Variants in ZNF407 observed in about 807,000 individuals in gnomAD.
ZNF407 encodes zinc finger protein 407.
In ZNF407, 17 loss-of-function variants were observed where a neutral mutation model predicts 131.2. The ratio of observed to expected loss-of-function variants is 0.13; its 90% CI spans 0.09 to 0.19. The LOEUF is 0.19. Ranked by LOEUF, ZNF407 falls within the 10% of genes least tolerant of loss-of-function variation. The pLI, the probability that ZNF407 is intolerant of heterozygous loss-of-function variation, is 1.00. For synonymous variants in ZNF407, 1,156 were observed against 1,062.0 expected, an observed-to-expected ratio of 1.09 and a Z score of -1.72; for missense variants, 2,681 against 2,830.6, an observed-to-expected ratio of 0.95 and a Z score of 1.20.
chr18:74,897,429 C>G (rs775896603), intron 7 of ZNF407, among the ~76,000 whole-genome samples: 3 of 152,160 alleles, frequency 2.0e-5, no homozygotes, highest in Non-Finnish European at 4.4e-5. Flanking sequence ...CGTCTGCTAT[C>G]TCTTTAAGTA....
At chr18:74,599,963 C>T (rs778614217) in intron 1 of ZNF407, among the ~76,000 whole-genome samples, 6 of 152,182 alleles carry the variant, frequency 3.9e-5, no homozygotes, top group Non-Finnish European at 7.3e-5. Flanking sequence ...TCCTTGCTTT[C>T]CAACTCTGAT....
rs1031454601 is a variant in ZNF407 at position 75,005,898 on chromosome 18, A to G, written c.5429-57252A>G. On this transcript the variant is annotated intron_variant, in intron 8 of 8. Coordinates refer to ENST00000299687, the MANE Select transcript of ZNF407 (RefSeq NM_017757.3). ...CAACAAACCTCAGACTTGGGAATGT[A>G]TGTTTGAGGAGACTAAAGTGAACAG... 2.0e-5 allele frequency among the ~76,000 whole-genome samples: 3 copies of G among 152,124 alleles called. No homozygotes were observed. The East Asian group carries it at 5.8e-4, about 29-fold the overall frequency.
chr18:74,992,516 G>A (rs990009627), intron 8 of ZNF407, among the ~76,000 whole-genome samples: 3 of 152,220 alleles, frequency 2.0e-5, no homozygotes, highest in Non-Finnish European at 4.4e-5. Context: ...GTGTGATGGG[G>A]CAGATTGAAG....
chr18:74,948,518 A>G (rs995407877), intron 8 of ZNF407, among the ~76,000 whole-genome samples: 4 of 152,260 alleles, frequency 2.6e-5, no homozygotes, highest in Non-Finnish European at 4.4e-5. Flanking sequence ...TCATGAGTCT[A>G]GTTCTGAATT....
intron 8 of ZNF407, among the ~76,000 whole-genome samples, chr18:74,972,205 C>T (rs1972480675): frequency 6.6e-6 from 1 of 152,108 alleles, no homozygotes; most frequent in Non-Finnish European, 1.5e-5. Context: ...TTGTGATTTC[C>T]AGCATCCCGA....
At chr18:75,040,475 C>G (rs1320363130) in intron 8 of ZNF407, among the ~76,000 whole-genome samples, 2 of 152,156 alleles carry the variant, frequency 1.3e-5, no homozygotes, top group African/African-American at 4.8e-5. Flanking sequence ...GTGGAATATA[C>G]CTTTATATTC....
chr18:74,725,062 C>A (rs750316877), intron 3 of ZNF407, among the ~76,000 whole-genome samples: 3 of 152,150 alleles, frequency 2.0e-5, no homozygotes, highest in Non-Finnish European at 4.4e-5. Flanking sequence ...CACGCATGTT[C>A]CTACAGTTTT....
intron 3 of ZNF407, among the ~76,000 whole-genome samples, chr18:74,718,668 A>G (rs772644219): frequency 1.2e-4 from 18 of 151,980 alleles, no homozygotes; most frequent in South Asian, 2.1e-4. Flanking sequence ...AGCTTTGTTA[A>G]ATTTATTTTT....
chr18:75,010,283 A>C (rs1198283592), intron 8 of ZNF407, among the ~76,000 whole-genome samples: 1 of 152,148 alleles, frequency 6.6e-6, no homozygotes, highest in East Asian at 1.9e-4. Flanking sequence ...ATTTCCAAAG[A>C]GCTCTCTGTG....
chr18:74,984,420 T>C (rs1972628722), intron 8 of ZNF407, among the ~76,000 whole-genome samples: 1 of 152,254 alleles, frequency 6.6e-6, no homozygotes, highest in African/African-American at 2.4e-5. Flanking sequence ...TAATTTTTAT[T>C]ATGTTTACAA....
chr18:75,019,938 A>G (rs1269278409), intron 8 of ZNF407, among the ~76,000 whole-genome samples: 1 of 151,758 alleles, frequency 6.6e-6, no homozygotes, highest in African/African-American at 2.4e-5. Flanking sequence ...TGATCCAGTC[A>G]CCTCCCACCA....
chr18:74,782,855 G>A (rs765282534), intron 4 of ZNF407, among the ~76,000 whole-genome samples: 5 of 152,072 alleles, frequency 3.3e-5, no homozygotes, highest in Non-Finnish European at 5.9e-5. Context: ...TCCTAATCTC[G>A]TGATCCCAAA....
intron 1 of ZNF407, among the ~76,000 whole-genome samples, chr18:74,599,453 C>T (rs1296100497): frequency 6.6e-6 from 1 of 152,192 alleles, no homozygotes; most frequent in African/African-American, 2.4e-5. Context: ...AAACACCCTT[C>T]TAGGTGTTGG....
At chr18:74,728,021 C>T (rs528206971) in intron 3 of ZNF407, among the ~76,000 whole-genome samples, 4 of 152,264 alleles carry the variant, frequency 2.6e-5, no homozygotes, top group African/African-American at 9.6e-5. Flanking sequence ...CAGCCTTCCT[C>T]ATCCAGGACC....
chr18:74,845,758 A>G (rs1599192634), intron 4 of ZNF407, among the ~76,000 whole-genome samples: 1 of 152,236 alleles, frequency 6.6e-6, no homozygotes, highest in South Asian at 2.1e-4. Flanking sequence ...GTTATCTTGA[A>G]TGAAGAGTGC....
intron 8 of ZNF407, among the ~76,000 whole-genome samples, chr18:74,988,666 AAAC>A (rs1382356062): frequency 6.8e-6 from 1 of 146,292 alleles, no homozygotes; most frequent in African/African-American, 2.8e-5. Context: ...ATAAATAAAC[AAAC>A]AAAAAAAATA....
At position 74,635,083 on chromosome 18, in the gene ZNF407, G is replaced by A. The variant is rs372669465; in HGVS notation, c.4064G>A (p.Arg1355Gln). 9 of 1,613,866 alleles carry A rather than the reference G, an allele frequency of 5.6e-6. No homozygotes were observed. Among genetic ancestry groups the A allele is most frequent in the African/African-American group, 5.3e-5 (4 of 75,024 alleles). The change falls in exon 2 of 9, where the codon CGA becomes CAA. Residue 1355 changes from arginine to glutamine, a missense_variant. Physicochemically the swap from Arg to Gln is conservative, Grantham distance 43. Coordinates refer to ENST00000299687, the MANE Select transcript of ZNF407 (RefSeq NM_017757.3). This position sits in a 1 kb window ranked among gnomAD's most constrained non-coding sequence, Gnocchi z 4.7. ...GGGCAGGCCATGTACAGTTTTGGTC[G>A]ATTTGACTCCTCCATAATAAGAATA... ...DKGQAMYSFGRFDSSIIRIKN... is the reference protein window; with the variant it reads ...DKGQAMYSFGQFDSSIIRIKN...
chr18:74,708,895 A>G (rs1239591993), intron 3 of ZNF407, among the ~76,000 whole-genome samples: 1 of 152,246 alleles, frequency 6.6e-6, no homozygotes, highest in African/African-American at 2.4e-5. Flanking sequence ...ATGGCGCATC[A>G]AAGTTTGTCA....
chr18:74,892,467 G>A (rs1356811416), intron 7 of ZNF407, among the ~76,000 whole-genome samples: 7 of 152,144 alleles, frequency 4.6e-5, no homozygotes, highest in African/African-American at 1.4e-4. Context: ...CTTGATGAGC[G>A]TCCGCCCTTG....
Sources: gnomAD v4.1 joint callset for allele counts (sites outside exome capture counted in the v4.1 genomes callset) on GRCh38, gnomAD v4.1.1 for gene constraint, Gnocchi (gnomAD v3.1) non-coding constraint, MANE v1.5 for transcripts, NCBI Gene and HGNC (gene_info 2026-07-23, HGNC 2026-07-21) for gene names.